Variants in TMEM135 observed in about 807,000 individuals in gnomAD.
TMEM135 encodes transmembrane protein 135.
Under a neutral mutation model 60.3 loss-of-function variants are expected in TMEM135, and 30 were observed. The ratio of observed to expected loss-of-function variants is 0.50; its 90% CI spans 0.37 to 0.68. The LOEUF is 0.68. Ranked by LOEUF, TMEM135 falls within the 30% of genes least tolerant of loss-of-function variation. The pLI, the probability that TMEM135 is intolerant of heterozygous loss-of-function variation, is 0.00. For missense variants in TMEM135, 468 were observed against 548.8 expected, an observed-to-expected ratio of 0.85 and a Z score of 1.47; for synonymous variants, 190 against 186.7, an observed-to-expected ratio of 1.02 and a Z score of -0.14.
intron 6 of TMEM135, among the ~76,000 whole-genome samples, chr11:87,251,318 C>T (rs1941411505): frequency 6.6e-6 from 1 of 152,090 alleles, no homozygotes; most frequent in Non-Finnish European, 1.5e-5. Flanking sequence ...ATGTTTGAAG[C>T]ATAGGCAGTA....
intron 3 of TMEM135, among the ~76,000 whole-genome samples, chr11:87,073,328 C>T (rs932200456): frequency 6.6e-6 from 1 of 152,094 alleles, no homozygotes; most frequent in Non-Finnish European, 1.5e-5. Flanking sequence ...CCATCGCACC[C>T]GGCCCATGAA....
chr11:87,151,311 A>G (rs1182406199), intron 4 of TMEM135, among the ~76,000 whole-genome samples: 2 of 152,124 alleles, frequency 1.3e-5, no homozygotes, highest in Non-Finnish European at 2.9e-5. Context: ...TAAAATTTAT[A>G]GTTTTGCTGT....
intron 6 of TMEM135, among the ~76,000 whole-genome samples, chr11:87,256,332 G>A (rs1941527644): frequency 6.6e-6 from 1 of 152,050 alleles, no homozygotes; most frequent in Admixed American, 6.6e-5. Flanking sequence ...TTGAAAATAT[G>A]AGATTAAAGT....
Position 87,315,507 on chromosome 11 carries a change from C to A in TMEM135, c.1077+960C>A, listed in dbSNP as rs571032762. On this transcript the variant is annotated intron_variant, in intron 12 of 14. Transcript: ENST00000305494. ...TCAGTGGGCTTAGGTGTTGATAGAG[C>A]CAACATAAGGTTCCCCAGTAGCCCT... Among the ~76,000 whole-genome samples the A allele has an allele frequency of 5.3e-5, 8 of 151,974 alleles. 1 individual carries two copies. In the South Asian group the frequency reaches 1.2e-3, roughly 24 times the overall value.
chr11:87,131,257 G>A (rs939312095), intron 4 of TMEM135, among the ~76,000 whole-genome samples: 1 of 152,066 alleles, frequency 6.6e-6, no homozygotes, highest in Non-Finnish European at 1.5e-5. Context: ...TCTTTGTGTT[G>A]TGTAGTTCTA....
intron 4 of TMEM135, among the ~76,000 whole-genome samples, chr11:87,102,445 A>ACCAAC: frequency 6.6e-6 from 1 of 152,260 alleles, no homozygotes; most frequent in South Asian, 2.1e-4. Context: ...GTATGAATAT[A>ACCAAC]TAGGAACTGG....
At chr11:87,281,130 A>G (rs1770228566) in intron 6 of TMEM135, among the ~76,000 whole-genome samples, 1 of 152,212 alleles carries the variant, frequency 6.6e-6, no homozygotes, top group African/African-American at 2.4e-5. Flanking sequence ...GATCTCTGGG[A>G]GTTGTTAATG....
chr11:87,183,942 C>A (rs1438479130), intron 5 of TMEM135, among the ~76,000 whole-genome samples: 2 of 120,230 alleles, frequency 1.7e-5, no homozygotes, highest in African/African-American at 3.3e-5. Context: ...GGCAACAGAG[C>A]CAGACTTCGT....
At chr11:87,231,141 A>G (rs997632281) in intron 5 of TMEM135, among the ~76,000 whole-genome samples, 2 of 152,140 alleles carry the variant, frequency 1.3e-5, no homozygotes, top group Non-Finnish European at 2.9e-5. Flanking sequence ...GACAAAACCT[A>G]GAGGACTTTC....
At chr11:87,067,178 T>TAC (rs1206697384) in intron 1 of TMEM135, among the ~76,000 whole-genome samples, 2 of 147,190 alleles carry the variant, frequency 1.4e-5, no homozygotes, top group Non-Finnish European at 3.0e-5. Flanking sequence ...TATATATATA[T>TAC]ACACACACTA....
chr11:87,140,277 C>T (rs534046670), intron 4 of TMEM135, among the ~76,000 whole-genome samples: 21 of 152,158 alleles, frequency 1.4e-4, no homozygotes, highest in African/African-American at 4.6e-4. Context: ...CCCTGTTAGC[C>T]AGGATGGTCT....
intron 1 of TMEM135, among the ~76,000 whole-genome samples, chr11:87,042,829 C>CT (rs1246999330): frequency 6.6e-6 from 1 of 151,860 alleles, no homozygotes; most frequent in African/African-American, 2.4e-5. Flanking sequence ...CGGTATTCAT[C>CT]TTCTACTGTT....
At chr11:87,248,748 A>G (rs1329008034) in intron 6 of TMEM135, among the ~76,000 whole-genome samples, 1 of 152,134 alleles carries the variant, frequency 6.6e-6, no homozygotes, top group Non-Finnish European at 1.5e-5. Flanking sequence ...ATCTATGAAC[A>G]TGGAAATCTT....
intron 5 of TMEM135, chr11:87,157,685 G>A (rs531500): frequency 3.1e-6 from 1 of 325,926 alleles, no homozygotes; most frequent in Non-Finnish European, 5.7e-6. Context: ...ACAAATGTTT[G>A]TAATGAAAAA....
At chr11:87,170,051 A>C (rs1939189075) in intron 5 of TMEM135, among the ~76,000 whole-genome samples, 1 of 110,510 alleles carries the variant, frequency 9.0e-6, no homozygotes, top group Non-Finnish European at 1.9e-5. Context: ...TCAGTCTCTG[A>C]TATCCTTTTT....
intron 4 of TMEM135, among the ~76,000 whole-genome samples, chr11:87,115,067 A>C (rs1379009270): frequency 1.3e-5 from 2 of 152,194 alleles, no homozygotes; most frequent in Non-Finnish European, 2.9e-5. Flanking sequence ...GCTATGTAAG[A>C]GAAGCTCTAG....
intron 4 of TMEM135, among the ~76,000 whole-genome samples, chr11:87,150,461 T>G (rs1331009186): frequency 6.6e-6 from 1 of 152,184 alleles, no homozygotes; most frequent in East Asian, 1.9e-4. Flanking sequence ...TTGGTTTTCT[T>G]TACACTCTGT....
intron 1 of TMEM135, among the ~76,000 whole-genome samples, chr11:87,040,496 C>T (rs1298448482): frequency 6.6e-6 from 1 of 152,160 alleles, no homozygotes; most frequent in Non-Finnish European, 1.5e-5. Flanking sequence ...AACCCCATCT[C>T]TACGAAAAAT....
In TMEM135 at chr11:87,309,653, C is replaced by G; in HGVS notation, c.917C>G (p.Ser306Cys). ...ENFQLGAFLG[S>C]FVSIYKGTSC... is the part of the protein sequence containing the mutation. ...TTCCAGCTTGGAGCTTTTCTTGGCT[C>G]TTTTGTTAGTATATACAAGGTAAGG... Residue 306 changes from serine (S) to cysteine (C), a missense_variant, in exon 10 of 15, where the codon TCT becomes TGT. Coordinates refer to ENST00000305494, the MANE Select transcript of TMEM135 (RefSeq NM_022918.4). 6.2e-7 allele frequency: 1 copy of G among 1,613,472 alleles called. No homozygotes were observed. Among genetic ancestry groups the G allele is most frequent in the Non-Finnish European group, 8.5e-7 (1 of 1,179,666 alleles).
Sources: gnomAD v4.1 joint callset for allele counts (sites outside exome capture counted in the v4.1 genomes callset) on GRCh38, gnomAD v4.1.1 for gene constraint, MANE v1.5 for transcripts, NCBI Gene and HGNC (gene_info 2026-07-23, HGNC 2026-07-21) for gene names.